Variants in SEMA6D observed in about 807,000 individuals in gnomAD.
SEMA6D encodes the protein semaphorin 6D.
A neutral mutation model predicts 106.6 loss-of-function variants in SEMA6D; 35 were observed. That is an observed-to-expected ratio of 0.33 (90% CI 0.25 to 0.44). SEMA6D has a LOEUF of 0.44. SEMA6D is among the 20% of genes least tolerant of loss of function. The probability of loss-of-function intolerance (pLI) is 1.00; values close to 1 mark genes in which losing one functional copy is unlikely to be tolerated. For synonymous variants in SEMA6D, 499 were observed against 487.7 expected, an observed-to-expected ratio of 1.02 and a Z score of -0.31; for missense variants, 1,185 against 1,345.9, an observed-to-expected ratio of 0.88 and a Z score of 1.87.
At chr15:47,631,187 T>G (rs1718085204) in intron 4 of SEMA6D, among the ~76,000 whole-genome samples, 1 of 151,928 alleles carries the variant, frequency 6.6e-6, no homozygotes, top group Non-Finnish European at 1.5e-5. Flanking sequence ...CTTCTGTAAA[T>G]CTTTGGTATA....
intron 1 of SEMA6D, among the ~76,000 whole-genome samples, chr15:47,351,219 C>A (rs1044531123): frequency 6.6e-6 from 1 of 152,074 alleles, no homozygotes; most frequent in African/African-American, 2.4e-5. Flanking sequence ...TGTCAAAATT[C>A]TTTGAAGAAT....
intron 4 of SEMA6D, among the ~76,000 whole-genome samples, chr15:47,710,590 A>C (rs2078997667): frequency 6.6e-6 from 1 of 152,194 alleles, no homozygotes; most frequent in Non-Finnish European, 1.5e-5. Context: ...ACACACGCAC[A>C]CACACAAACA....
intron 2 of SEMA6D, among the ~76,000 whole-genome samples, chr15:47,453,548 T>G (rs2042254842): frequency 6.6e-6 from 1 of 151,998 alleles, no homozygotes; most frequent in Non-Finnish European, 1.5e-5. Flanking sequence ...GGAATGTTAC[T>G]TAGGGTCTAT....
intron 3 of SEMA6D, among the ~76,000 whole-genome samples, chr15:47,556,930 C>T (rs1279050041): frequency 6.6e-6 from 1 of 152,130 alleles, no homozygotes; most frequent in Non-Finnish European, 1.5e-5. Flanking sequence ...CTGTGTGACT[C>T]TGAGCATGCC....
At chr15:47,195,743 G>A (rs1469190855) in intron 1 of SEMA6D, among the ~76,000 whole-genome samples, 1 of 152,082 alleles carries the variant, frequency 6.6e-6, no homozygotes, top group East Asian at 1.9e-4. Context: ...CATTTATCAT[G>A]AATGAGCACA....
At chr15:47,674,780 G>A (rs1018595252) in intron 4 of SEMA6D, among the ~76,000 whole-genome samples, 1 of 152,156 alleles carries the variant, frequency 6.6e-6, no homozygotes, top group Non-Finnish European at 1.5e-5. Flanking sequence ...GAGGATTAAG[G>A]TGCAGCTAAT....
chr15:47,292,461 A>T (rs2035626810), intron 1 of SEMA6D, among the ~76,000 whole-genome samples: 1 of 152,158 alleles, frequency 6.6e-6, no homozygotes, highest in South Asian at 2.1e-4. Flanking sequence ...TCCTTTAAGC[A>T]GTTCCTGGCA....
chr15:47,371,366 A>G (rs1199695683), intron 1 of SEMA6D, among the ~76,000 whole-genome samples: 1 of 152,262 alleles, frequency 6.6e-6, no homozygotes, highest in Non-Finnish European at 1.5e-5. Context: ...CTATTATGTG[A>G]TAGATTAATC....
rs117862383 is a variant in SEMA6D, at chr15:47,734,164, T to A, written c.-55+16472T>A. 5.9e-3 allele frequency among the ~76,000 whole-genome samples: 900 copies of A among 152,326 alleles called. 6 individuals are homozygous for A. The highest frequency in any genetic ancestry group is 0.02 in the Admixed American group (313 of 15,298). On this transcript the variant is annotated intron_variant, in intron 1 of 18. Coordinates refer to ENST00000536845, the MANE Select transcript of SEMA6D (RefSeq NM_001358351.3). ...TAACTTTCTGGATTAGCTCAACCTG[T>A]CCCTCAGTCGTAGTAGTAATTTTTA...
intron 3 of SEMA6D, among the ~76,000 whole-genome samples, chr15:47,566,972 A>C (rs1296121093): frequency 1.3e-5 from 2 of 152,246 alleles, no homozygotes; most frequent in Non-Finnish European, 2.9e-5. Context: ...CCTTTGGACA[A>C]GGCATGAAAA....
At chr15:47,612,707 G>A (rs1433174016) in intron 4 of SEMA6D, among the ~76,000 whole-genome samples, 1 of 152,108 alleles carries the variant, frequency 6.6e-6, no homozygotes, top group Non-Finnish European at 1.5e-5. Context: ...ATGGGCTTTA[G>A]CACTCAGACT....
intron 1 of SEMA6D, among the ~76,000 whole-genome samples, chr15:47,387,236 C>T (rs2039871108): frequency 6.6e-6 from 1 of 152,194 alleles, no homozygotes; most frequent in Non-Finnish European, 1.5e-5. Context: ...ATCTCTAGCA[C>T]TCAGTCAAGG....
At chr15:47,510,847 C>T (rs1297237486) in intron 3 of SEMA6D, among the ~76,000 whole-genome samples, 1 of 152,162 alleles carries the variant, frequency 6.6e-6, no homozygotes, top group Non-Finnish European at 1.5e-5. Flanking sequence ...CTGTGGACCT[C>T]ACATCTCCTT....
At chr15:47,384,335 C>T (rs2039743643) in intron 1 of SEMA6D, among the ~76,000 whole-genome samples, 1 of 152,222 alleles carries the variant, frequency 6.6e-6, no homozygotes, top group East Asian at 1.9e-4. Flanking sequence ...TTGTTTTGAG[C>T]TCAGAAGCTT....
At chr15:47,399,785 G>A (rs1285311827) in intron 1 of SEMA6D, among the ~76,000 whole-genome samples, 2 of 152,156 alleles carry the variant, frequency 1.3e-5, no homozygotes, top group Admixed American at 1.3e-4. Flanking sequence ...CTTGTGTGAG[G>A]ATGAACATCA....
At chr15:47,621,203 C>G (rs2077091659) in intron 4 of SEMA6D, among the ~76,000 whole-genome samples, 1 of 152,174 alleles carries the variant, frequency 6.6e-6, no homozygotes, top group Admixed American at 6.5e-5. Flanking sequence ...ACTACAACAG[C>G]AGGTGAGAAC....
chr15:47,616,656 C>T (rs1483356807), intron 4 of SEMA6D, among the ~76,000 whole-genome samples: 1 of 151,324 alleles, frequency 6.6e-6, no homozygotes, highest in African/African-American at 2.4e-5. Context: ...AATGATGCAT[C>T]TGTGAAAGGT....
chr15:47,214,311 GC>G (rs2030350408), intron 1 of SEMA6D, among the ~76,000 whole-genome samples: 1 of 152,162 alleles, frequency 6.6e-6, no homozygotes, highest in Non-Finnish European at 1.5e-5. Context: ...GAAAGGTGAT[GC>G]AGTGGAAGGG....
chr15:47,264,732 T>C lies in SEMA6D; in HGVS notation c.-239+80314T>C, dbSNP rs190312808. On this transcript the variant is annotated intron_variant, in intron 1 of 19. Coordinates refer to the SEMA6D transcript ENST00000558014. ...TTTCACCATTAAATATGATGCTACCTGTGGGTTTTTCATTAATGTTCTTTA... is the reference window on the plus strand; with the variant it reads ...TTTCACCATTAAATATGATGCTACCCGTGGGTTTTTCATTAATGTTCTTTA... Among the ~76,000 whole-genome samples the C allele has an allele frequency of 2.4e-3, 367 of 152,188 alleles. 9 individuals carry two copies. The highest frequency in any genetic ancestry group is 0.023 in the Admixed American group (345 of 15,236).
Sources: gnomAD v4.1 joint callset for allele counts (sites outside exome capture counted in the v4.1 genomes callset) on GRCh38, gnomAD v4.1.1 for gene constraint, MANE v1.5 for transcripts, NCBI Gene and HGNC (gene_info 2026-07-23, HGNC 2026-07-21) for gene names.